Variants in ZSWIM9 observed in about 807,000 individuals in gnomAD.
ZSWIM9 encodes the protein uncharacterized protein ZSWIM9.
In ZSWIM9, 11 loss-of-function variants were observed where a neutral mutation model predicts 25.0. The observed-to-expected ratio is 0.44, with a 90% CI of 0.28 to 0.73. The LOEUF is 0.73. ZSWIM9 is among the 30% of genes least tolerant of loss of function. The pLI is 0.16. For missense variants in ZSWIM9, 1,070 were observed against 1,296.5 expected (o/e 0.83, Z 2.68); for synonymous variants, 562 against 582.1 (o/e 0.97, Z 0.50).
In ZSWIM9 at chr19:48,182,778, G is replaced by A. The variant is rs758989452; in HGVS notation, c.588+11G>A. The A allele has an allele frequency of 2.7e-5, 41 of 1,515,834 alleles. No individual in the cohort carries two copies. The highest frequency in any genetic ancestry group is 8.0e-5 in the Admixed American group (4 of 49,908). The allele number at this position is 1,515,834 out of a possible 1,614,324, so 93.9% of individuals were successfully genotyped here. On this transcript the variant is annotated intron_variant, in intron 3 of 3. Coordinates refer to ENST00000614654, the MANE Select transcript of ZSWIM9 (RefSeq NM_199341.4). This position sits in a 1 kb window ranked among gnomAD's most constrained non-coding sequence, Gnocchi z 4.6. The stretch of plus-strand genomic sequence containing the variant: ...GACCCCGAGGCCAAGGTGGGGTCTC[G>A]AGAGAGGCAGGCCGGGGGAGGGGGC...
intron 2 of ZSWIM9, among the ~76,000 whole-genome samples, chr19:48,178,640 G>A (rs1404478560): frequency 4.0e-5 from 6 of 151,688 alleles, no homozygotes; most frequent in East Asian, 1.9e-4. Flanking sequence ...GCAGTGGCGC[G>A]ATCTCGGCTC....
chr19:48,187,569 T>TATAA (rs1159441428), intron 3 of ZSWIM9: 3 of 18,336 alleles, frequency 1.6e-4, no homozygotes, highest in East Asian at 1.2e-3. Context: ...ATATATAATA[T>TATAA]TATATATATT....
At chr19:48,191,458 GC>G (rs1171547612) in intron 3 of ZSWIM9, among the ~76,000 whole-genome samples, 1 of 152,192 alleles carries the variant, frequency 6.6e-6, no homozygotes, top group Non-Finnish European at 1.5e-5. Context: ...ACCTGCCTCG[GC>G]TTCCCAAAGT....
chr19:48,174,879 C>T lies in ZSWIM9; in HGVS notation c.275+2802C>T, dbSNP rs534144120. Reference sequence around the variant, plus strand: ...TACTATGTGCATGCCCTTCACTGGACGTTTAGAATCCGAGACTGATCTCGG... The same window carrying T: ...TACTATGTGCATGCCCTTCACTGGATGTTTAGAATCCGAGACTGATCTCGG... On this transcript the variant is annotated intron_variant, in intron 2 of 3. Transcript: ENST00000614654. 5.9e-5 allele frequency: 9 copies of T among 152,220 alleles called. No individual in the cohort carries two copies. In the South Asian group the frequency reaches 1.2e-3, roughly 21 times the overall value. 9.4% of individuals were successfully genotyped at this position (152,220 alleles called of 1,614,324 possible).
At chr19:48,193,689 T>C (rs1176527717) in intron 3 of ZSWIM9, among the ~76,000 whole-genome samples, 4 of 152,236 alleles carry the variant, frequency 2.6e-5, no homozygotes, top group African/African-American at 4.8e-5. Context: ...CGGGACGTGA[T>C]GTTTGAACAG....
chr19:48,196,544 G>A lies in ZSWIM9; in HGVS notation c.2480G>A (p.Arg827Gln), dbSNP rs2123468264. ...EVDWEPLAKFRAACGPELADL... is the reference protein window; with the variant it reads ...EVDWEPLAKFQAACGPELADL... ...GACTGGGAACCCCTGGCCAAATTCC[G>A]AGCAGCCTGCGGGCCAGAGCTGGCA... The change falls in exon 4 of 4, where the codon CGA becomes CAA. Residue 827 changes from arginine to glutamine, a missense_variant. Arg to Gln is a conservative substitution (Grantham distance 43). This residue lies in a region of ZSWIM9 where 583 missense variants were observed against 624.7 expected (regional missense o/e 0.93). Transcript: ENST00000614654. 1 of 1,232,480 alleles carries A rather than the reference G, an allele frequency of 8.1e-7. No homozygotes were observed. The highest frequency in any genetic ancestry group is 1.0e-6 in the Non-Finnish European group (1 of 988,306). 76.3% of individuals were successfully genotyped at this position (1,232,480 alleles called of 1,614,324 possible). A position where few individuals can be genotyped will look rare whatever the true frequency, so the allele number is the denominator to read the frequency against.
chr19:48,179,915 G>GC (rs2036930423), intron 2 of ZSWIM9, among the ~76,000 whole-genome samples: 1 of 152,178 alleles, frequency 6.6e-6, no homozygotes, highest in Non-Finnish European at 1.5e-5. Flanking sequence ...CAAGACATTG[G>GC]CAGTGCTGTG....
chr19:48,181,575 C>T (rs2036949060), intron 2 of ZSWIM9: 1 of 152,212 alleles, frequency 6.6e-6, no homozygotes, highest in African/African-American at 2.4e-5. Context: ...TCGTACACAG[C>T]TTTAGATGCC....
At chr19:48,183,533 C>G (rs539361111) in intron 3 of ZSWIM9, among the ~76,000 whole-genome samples, 1 of 152,156 alleles carries the variant, frequency 6.6e-6, no homozygotes, top group South Asian at 2.1e-4. Context: ...GAAAAACCAA[C>G]AACTGACAAA....
At chr19:48,172,874 G>A (rs1258495105) in intron 2 of ZSWIM9, among the ~76,000 whole-genome samples, 1 of 141,104 alleles carries the variant, frequency 7.1e-6, no homozygotes, top group Non-Finnish European at 1.6e-5. Context: ...CACACCCCAA[G>A]AGGAGAAAAT....
Position 48,195,026 on chromosome 19 carries a change from G to T in ZSWIM9, c.962G>T (p.Gly321Val). 1.5e-6 allele frequency: 2 copies of T among 1,377,662 alleles called. No homozygotes were observed. The highest frequency in any genetic ancestry group is 9.3e-7 in the Non-Finnish European group (1 of 1,073,592). 85.3% of individuals were successfully genotyped at this position (1,377,662 alleles called of 1,614,324 possible). A position where few individuals can be genotyped will look rare whatever the true frequency, so the allele number is the denominator to read the frequency against. Reference protein sequence around the residue: ...CARVQICRAQGLETLFSKAQE... With the variant: ...CARVQICRAQVLETLFSKAQE... Reference sequence around the variant, plus strand: ...CGCGTGCAGATCTGCCGCGCGCAGGGCCTGGAGACGCTCTTCAGCAAGGCG... The same window carrying T: ...CGCGTGCAGATCTGCCGCGCGCAGGTCCTGGAGACGCTCTTCAGCAAGGCG... The change falls in exon 4 of 4, where the codon GGC (glycine) becomes GTC (valine). Residue 321 changes from glycine to valine, a missense_variant. Gly to Val is a moderately radical substitution (Grantham distance 109). Transcript: ENST00000614654. The surrounding 1 kb of genome is among the most constrained non-coding windows in gnomAD (Gnocchi z 5.8).
At chr19:48,187,439 T>C (rs1175919874) in intron 3 of ZSWIM9, among the ~76,000 whole-genome samples, 1 of 99,386 alleles carries the variant, frequency 1.0e-5, no homozygotes, top group Non-Finnish European at 1.9e-5. Context: ...TTATATTATA[T>C]ATATTATATA....
At chr19:48,176,641 TG>T (rs1240289245) in intron 2 of ZSWIM9, among the ~76,000 whole-genome samples, 1 of 152,058 alleles carries the variant, frequency 6.6e-6, no homozygotes, top group Non-Finnish European at 1.5e-5. Context: ...CCCCTAAAGA[TG>T]TGTTGTTTCT....
chr19:48,184,147 A>T, intron 3 of ZSWIM9, among the ~76,000 whole-genome samples: 1 of 151,872 alleles, frequency 6.6e-6, no homozygotes, highest in East Asian at 1.9e-4. Flanking sequence ...CGGGGCCTGG[A>T]GCGGGACAGT....
At chr19:48,193,253 G>A (rs1277525711) in intron 3 of ZSWIM9, 2 of 154,586 alleles carry the variant, frequency 1.3e-5, no homozygotes, top group African/African-American at 4.8e-5. Flanking sequence ...CTTGCCTGAA[G>A]TCCCACGGCT....
In ZSWIM9 at chr19:48,182,839, A is replaced by G; in HGVS notation, c.588+72A>G. On this transcript the variant is annotated intron_variant, in intron 3 of 3. Transcript: ENST00000614654. This position sits in a 1 kb window ranked among gnomAD's most constrained non-coding sequence, Gnocchi z 4.6. ...CGCGCTGAAGACTCGTGGGTCATTC[A>G]TGCCTTCATCCGCCCTCTCATCCCT... is the stretch of plus-strand genomic sequence containing the variant. 2 of 1,108,258 alleles carry G rather than the reference A, an allele frequency of 1.8e-6. No homozygotes were observed. The highest frequency in any genetic ancestry group is 2.5e-6 in the Non-Finnish European group (2 of 788,154). 68.7% of individuals were successfully genotyped at this position (1,108,258 alleles called of 1,614,324 possible).
rs1035240722 is a variant in ZSWIM9 at position 48,182,244 on chromosome 19, A to C, written c.276-211A>C. The C allele has an allele frequency of 1.9e-5, 11 of 588,888 alleles. No homozygotes were observed. The African/African-American group carries it at 1.9e-4, about 10-fold the overall frequency. The allele number at this position is 588,888 out of a possible 1,614,324, so 36.5% of individuals were successfully genotyped here. ...ACGATCCTATGAGGAAGGTATGATGAGTAGGACCTTCCTTGTAACCTATGA... is the reference window on the plus strand; with the variant it reads ...ACGATCCTATGAGGAAGGTATGATGCGTAGGACCTTCCTTGTAACCTATGA... On this transcript the variant is annotated intron_variant, in intron 2 of 3. Transcript: ENST00000614654. The surrounding 1 kb of genome is among the most constrained non-coding windows in gnomAD (Gnocchi z 4.6).
Position 48,195,678 on chromosome 19 carries a change from G to A in ZSWIM9, c.1614G>A (p.Gly538=). The change falls in exon 4 of 4, where the codon GGG becomes GGA. Residue 538 remains glycine, a synonymous_variant. Transcript: ENST00000614654. This position sits in a 1 kb window ranked among gnomAD's most constrained non-coding sequence, Gnocchi z 5.8. ...LENQKPRGLE[G]GVLRGSKLEK... ...ATCAGAAGCCGAGGGGACTGGAAGG[G>A]GGTGTCTTGAGAGGGTCGAAGTTAG... The A allele has an allele frequency of 6.9e-7, 1 of 1,445,720 alleles. No homozygotes were observed. 89.6% of individuals were successfully genotyped at this position (1,445,720 alleles called of 1,614,324 possible).
chr19:48,173,632 CTTTA>C (rs1204117631), intron 2 of ZSWIM9, among the ~76,000 whole-genome samples: 4 of 151,814 alleles, frequency 2.6e-5, no homozygotes, highest in Non-Finnish European at 4.4e-5. Flanking sequence ...TTTTATTTTA[CTTTA>C]TTTTATTTTA....
Sources: gnomAD v4.1 joint callset for allele counts (sites outside exome capture counted in the v4.1 genomes callset) on GRCh38, gnomAD v4.1.1 for gene constraint, gnomAD v4.1.1 regional missense constraint, Gnocchi (gnomAD v3.1) non-coding constraint, MANE v1.5 for transcripts, NCBI Gene and HGNC (gene_info 2026-07-23, HGNC 2026-07-21) for gene names.